CTDSPL2: variants seen among roughly 807,000 people sequenced by gnomAD.
CTDSPL2 encodes the protein CTD small phosphatase-like protein 2.
In CTDSPL2, 5 loss-of-function variants were observed where a neutral mutation model predicts 60.0. The ratio of observed to expected loss-of-function variants is 0.08; its 90% confidence interval spans 0.04 to 0.18. The LOEUF is 0.18. Among genes scored for constraint, CTDSPL2 ranks in the 10% least tolerant of loss-of-function variants. The pLI is 1.00. For missense variants in CTDSPL2, 370 were observed against 548.8 expected, an observed-to-expected ratio of 0.67 and a Z score of 3.26; for synonymous variants, 186 against 189.3, an observed-to-expected ratio of 0.98 and a Z score of 0.14.
intron 5 of CTDSPL2, among the ~76,000 whole-genome samples, chr15:44,494,069 A>G (rs935664310): frequency 2.6e-5 from 4 of 152,196 alleles, no homozygotes; most frequent in African/African-American, 9.6e-5. Flanking sequence ...TAGAAAGACT[A>G]TAGAAATTTT....
chr15:44,440,798 A>G (rs1162006773), intron 1 of CTDSPL2, among the ~76,000 whole-genome samples: 1 of 152,148 alleles, frequency 6.6e-6, no homozygotes, highest in Non-Finnish European at 1.5e-5. Context: ...GACTGAGTAA[A>G]TAATATTTAT....
At chr15:44,469,950 T>C (rs2080770543) in intron 2 of CTDSPL2, among the ~76,000 whole-genome samples, 1 of 151,760 alleles carries the variant, frequency 6.6e-6, no homozygotes, top group African/African-American at 2.4e-5. Context: ...ACAAAAAAAT[T>C]AGCCGGGTGT....
intron 1 of CTDSPL2, among the ~76,000 whole-genome samples, chr15:44,458,692 A>T (rs984146815): frequency 1.7e-4 from 26 of 152,232 alleles, no homozygotes; most frequent in African/African-American, 6.3e-4. Context: ...GTTGGCAGGC[A>T]GTATAGTATT....
chr15:44,466,027 T>G (rs1483077797), intron 2 of CTDSPL2, among the ~76,000 whole-genome samples: 1 of 151,864 alleles, frequency 6.6e-6, no homozygotes, highest in African/African-American at 2.4e-5. Context: ...CTCCATCTCC[T>G]TGGTCCAAGC....
At position 44,427,734 on chromosome 15, in the gene CTDSPL2, C is replaced by G. The variant is rs3743218; in HGVS notation, c.-63C>G. On this transcript the variant is annotated 5_prime_UTR_variant, in exon 1 of 13. It adds an upstream start codon to the 5' untranslated region. Transcript: ENST00000260327. ...CCACACATTGCGCAGTCGGGACCAT[C>G]GCCGGAGCCTGAGGACACTTCTCTG... 2.5e-6 allele frequency: 1 copy of G among 399,160 alleles called. No individual in the cohort carries two copies. Among genetic ancestry groups the G allele is most frequent in the Non-Finnish European group, 4.4e-6 (1 of 226,256 alleles). The allele number at this position is 399,160 out of a possible 1,614,324, so 24.7% of individuals were successfully genotyped here.
intron 1 of CTDSPL2, among the ~76,000 whole-genome samples, chr15:44,436,887 G>A (rs898530905): frequency 6.6e-5 from 10 of 152,086 alleles, no homozygotes; most frequent in African/African-American, 1.7e-4. Context: ...AAAATGCTTG[G>A]TATCAGAAGT....
intron 8 of CTDSPL2, chr15:44,503,593 G>A (rs896458165): frequency 2.6e-5 from 4 of 152,184 alleles, no homozygotes; most frequent in African/African-American, 9.6e-5. Context: ...ATCAAGAACT[G>A]GAGCTCAGTT....
chr15:44,508,909 C>T (rs1316978801), intron 8 of CTDSPL2, among the ~76,000 whole-genome samples: 1 of 152,022 alleles, frequency 6.6e-6, no homozygotes, highest in Non-Finnish European at 1.5e-5. Context: ...CAGAGTGAGA[C>T]TCCATCTCAA....
At chr15:44,510,778 A>G (rs2081552416) in intron 8 of CTDSPL2, among the ~76,000 whole-genome samples, 1 of 152,214 alleles carries the variant, frequency 6.6e-6, no homozygotes, top group African/African-American at 2.4e-5. Flanking sequence ...AGGCATGTCT[A>G]TGTGTGCATC....
Position 44,459,170 on chromosome 15 carries a change from TA to T in CTDSPL2, c.162del (p.Lys54AsnfsTer25). On this transcript the variant is annotated frameshift_variant, in exon 2 of 13. Coordinates refer to ENST00000260327, the MANE Select transcript of CTDSPL2 (RefSeq NM_016396.3). LOFTEE classifies it high-confidence loss of function. Reference protein sequence around the residue: ...KNETGLLSSIKKFIKGSTPKE... With the variant: ...KNETGLLSSIXKFIKGSTPKE... ...ATGAAACCGGCTTGTTGTCTTCAATTAAAAAATTTATTAAAGGAAGCACACC... is the reference window on the plus strand; with the variant it reads ...ATGAAACCGGCTTGTTGTCTTCAATTAAAAATTTATTAAAGGAAGCACACC... The T allele has an allele frequency of 1.2e-6, 2 of 1,606,672 alleles. No individual in the cohort carries two copies. Among genetic ancestry groups the T allele is most frequent in the South Asian group, 1.1e-5 (1 of 89,926 alleles).
chr15:44,516,085 G>A (rs921192306), intron 10 of CTDSPL2, among the ~76,000 whole-genome samples: 2 of 150,394 alleles, frequency 1.3e-5, no homozygotes, highest in East Asian at 4.0e-4. Flanking sequence ...TCCTGCCTCA[G>A]CCTCTCGAGT....
Position 44,431,712 on chromosome 15 carries a change from GTTTGTTTT to G in CTDSPL2, c.-25+3944_-25+3951del, listed in dbSNP as rs771841386. ...AAGTTTTTTGTTTGTTTGTTTGTTTGTTTGTTTTTTTTTTTTTTTTTTTGAGACAGAGT... is the reference window on the plus strand; with the variant it reads ...AAGTTTTTTGTTTGTTTGTTTGTTTGTTTTTTTTTTTTTTTGAGACAGAGT... On this transcript the variant is annotated intron_variant, in intron 1 of 12. Coordinates refer to ENST00000260327, the MANE Select transcript of CTDSPL2 (RefSeq NM_016396.3). 6.7e-3 allele frequency among the ~76,000 whole-genome samples: 918 copies of G among 137,822 alleles called. 7 individuals are homozygous for G. The highest frequency in any genetic ancestry group is 0.01 in the Non-Finnish European group (651 of 64,174). The allele number at this position is 137,822 out of a possible 152,430, so 90.4% of individuals were successfully genotyped here. A position where few individuals can be genotyped will look rare whatever the true frequency, so the allele number is the denominator to read the frequency against.
chr15:44,430,764 A>G (rs929850021), intron 1 of CTDSPL2, among the ~76,000 whole-genome samples: 1 of 152,058 alleles, frequency 6.6e-6, no homozygotes, highest in Non-Finnish European at 1.5e-5. Context: ...GGTTAAAAGT[A>G]AGCTAAAAAG....
At chr15:44,429,434 C>G (rs1326365302) in intron 1 of CTDSPL2, among the ~76,000 whole-genome samples, 2 of 152,082 alleles carry the variant, frequency 1.3e-5, no homozygotes, top group Admixed American at 1.3e-4. Context: ...TAGTTAATAG[C>G]GTTAATGTTT....
intron 2 of CTDSPL2, among the ~76,000 whole-genome samples, chr15:44,468,879 T>C (rs187477954): frequency 1.3e-5 from 2 of 152,314 alleles, no homozygotes; most frequent in Non-Finnish European, 2.9e-5. Context: ...ATCATCCTGC[T>C]CCATCACAAC....
chr15:44,436,294 T>C (rs999604029), intron 1 of CTDSPL2, among the ~76,000 whole-genome samples: 7 of 152,042 alleles, frequency 4.6e-5, no homozygotes, highest in Admixed American at 3.9e-4. Context: ...ACCAAAGAGG[T>C]CATCTAGTCC....
At position 44,463,330 on chromosome 15, in the gene CTDSPL2, C is replaced by CG. The variant is rs1363952257; in HGVS notation, c.186+4134dup. 1.7e-4 allele frequency among the ~76,000 whole-genome samples: 26 copies of CG among 150,668 alleles called. No homozygotes were observed. The South Asian group carries it at 5.3e-3, about 31-fold the overall frequency. On this transcript the variant is annotated intron_variant, in intron 2 of 12. Coordinates refer to ENST00000260327, the MANE Select transcript of CTDSPL2 (RefSeq NM_016396.3). ...CTGATTTTTGTATTTTTAGTAGAGA[C>CG]GGGGTTTTGCCATGTTGGCCAGGCA... is the stretch of plus-strand genomic sequence containing the variant.
chr15:44,443,855 G>A (rs1355326909), intron 1 of CTDSPL2, among the ~76,000 whole-genome samples: 1 of 151,984 alleles, frequency 6.6e-6, no homozygotes. Flanking sequence ...GCCATTCCAT[G>A]GTTTGTCTTT....
At chr15:44,523,389 T>TA (rs1237785803) in intron 12 of CTDSPL2, among the ~76,000 whole-genome samples, 3 of 8,804 alleles carry the variant, frequency 3.4e-4, no homozygotes, top group African/African-American at 1.2e-3. Context: ...ACCTCATCTC[T>TA]ACATACATAC....
Sources: gnomAD v4.1 joint callset for allele counts (sites outside exome capture counted in the v4.1 genomes callset) on GRCh38, gnomAD v4.1.1 for gene constraint, MANE v1.5 for transcripts, NCBI Gene and HGNC (gene_info 2026-07-23, HGNC 2026-07-21) for gene names.